SMC5: variants seen among roughly 807,000 people sequenced by gnomAD.
The protein encoded by SMC5 is structural maintenance of chromosomes protein 5.
A neutral mutation model predicts 148.3 loss-of-function variants in SMC5; 88 were observed. The observed-to-expected ratio is 0.59, with a 90% CI of 0.50 to 0.71. The LOEUF is 0.71. SMC5 is among the 30% of genes least tolerant of loss of function. The pLI is 0.00. For synonymous variants in SMC5, 421 were observed against 432.8 expected, an observed-to-expected ratio of 0.97 and a Z score of 0.34; for missense variants, 1,142 against 1,298.9, an observed-to-expected ratio of 0.88 and a Z score of 1.86.
chr9:70,341,630 G>A (rs1216718852), intron 17 of SMC5, among the ~76,000 whole-genome samples: 1 of 152,118 alleles, frequency 6.6e-6, no homozygotes, highest in African/African-American at 2.4e-5. Context: ...TATTGTCTTG[G>A]TTTAGTTTAT....
intron 8 of SMC5, among the ~76,000 whole-genome samples, chr9:70,288,652 C>T (rs2034973553): frequency 6.6e-6 from 1 of 151,836 alleles, no homozygotes; most frequent in South Asian, 2.1e-4. Context: ...TTAGTAGGCT[C>T]TTTGTTTCAA....
At position 70,270,642 on chromosome 9, in the gene SMC5, ATT is replaced by A. The variant is rs71364589; in HGVS notation, c.380+2690_380+2691del. On this transcript the variant is annotated intron_variant, in intron 3 of 24. Transcript: ENST00000361138. ...AGGAATTGAGGACAGAGACTAAATA[ATT>A]TTTTTTTTTTTTTTTTTTTTTTGGG... 4.5e-3 allele frequency among the ~76,000 whole-genome samples: 462 copies of A among 103,800 alleles called. 1 individual carries two copies. The highest frequency in any genetic ancestry group is 0.014 in the African/African-American group (369 of 26,434). The allele number at this position is 103,800 out of a possible 152,430, so 68.1% of individuals were successfully genotyped here.
chr9:70,268,849 G>T, intron 3 of SMC5, among the ~76,000 whole-genome samples: 1 of 151,992 alleles, frequency 6.6e-6, no homozygotes. Flanking sequence ...CTTGAGCTTG[G>T]ATATTCTCAA....
chr9:70,278,610 A>G lies in SMC5; in HGVS notation c.663A>G (p.Lys221=), dbSNP rs2083312647. The G allele has an allele frequency of 1.9e-6, 3 of 1,602,206 alleles. No individual in the cohort carries two copies. The highest frequency in any genetic ancestry group is 1.8e-5 in the Admixed American group (1 of 55,702). The change falls in exon 5 of 25, where the codon AAA becomes AAG. Residue 221 remains lysine (K), a synonymous_variant. Transcript: ENST00000361138. ...GTGAACTCAAAAACTTAAGGGAGAA[A>G]GAAAAACAGCTCGAGGTACTTTAAA... ...YHCELKNLRE[K]EKQLETSCKE...
chr9:70,316,508 A>G (rs1377546475), intron 13 of SMC5, among the ~76,000 whole-genome samples: 3 of 152,044 alleles, frequency 2.0e-5, no homozygotes, highest in African/African-American at 7.2e-5. Flanking sequence ...GGGAAAACCA[A>G]AAGTAGAAGT....
chr9:70,309,349 T>TTTTTTGG (rs71364591), intron 11 of SMC5, among the ~76,000 whole-genome samples: 1 of 112,748 alleles, frequency 8.9e-6, no homozygotes. Flanking sequence ...TTTTTTTTTT[T>TTTTTTGG]GGGGACAGGG....
At chr9:70,313,648 A>G (rs1452016572) in intron 11 of SMC5, among the ~76,000 whole-genome samples, 2 of 151,874 alleles carry the variant, frequency 1.3e-5, no homozygotes, top group Non-Finnish European at 2.9e-5. Context: ...CAGGAGCCCC[A>G]CACCATACCC....
chr9:70,319,455 G>A (rs980486248), intron 15 of SMC5, among the ~76,000 whole-genome samples: 2 of 152,142 alleles, frequency 1.3e-5, no homozygotes, highest in African/African-American at 4.8e-5. Flanking sequence ...TTTAGTTGAA[G>A]TCAGTAGGTT....
At chr9:70,351,935 G>C (rs1363358049) in intron 24 of SMC5, among the ~76,000 whole-genome samples, 2 of 151,964 alleles carry the variant, frequency 1.3e-5, no homozygotes, top group Non-Finnish European at 2.9e-5. Context: ...AAGTTAGCTG[G>C]GCCTGATGGT....
chr9:70,311,165 T>A (rs2035646231), intron 11 of SMC5: 1 of 152,246 alleles, frequency 6.6e-6, no homozygotes, highest in Non-Finnish European at 1.5e-5. Context: ...TTGTCATGCC[T>A]TCCTCACTAA....
chr9:70,299,028 T>G (rs2035285159), intron 9 of SMC5, among the ~76,000 whole-genome samples: 2 of 151,810 alleles, frequency 1.3e-5, no homozygotes, highest in South Asian at 4.1e-4. Context: ...ACATATCCTT[T>G]TTTGGTCATT....
intron 7 of SMC5, among the ~76,000 whole-genome samples, chr9:70,284,241 A>G (rs1257392935): frequency 6.6e-6 from 1 of 152,220 alleles, no homozygotes; most frequent in Non-Finnish European, 1.5e-5. Context: ...AAAAAATTAA[A>G]CAGTTACTAA....
chr9:70,333,762 TATTTAA>T (rs1374300438), intron 17 of SMC5, among the ~76,000 whole-genome samples: 1 of 152,036 alleles, frequency 6.6e-6, no homozygotes, highest in African/African-American at 2.4e-5. Context: ...ACTAGGGATA[TATTTAA>T]AAGACTTGTA....
At chr9:70,312,993 A>C (rs941166852) in intron 11 of SMC5, among the ~76,000 whole-genome samples, 1 of 152,212 alleles carries the variant, frequency 6.6e-6, no homozygotes, top group African/African-American at 2.4e-5. Context: ...CTGTTTTATC[A>C]AATTTATCAG....
chr9:70,350,531 T>TA lies in SMC5; in HGVS notation c.3165+61dup. The TA allele has an allele frequency of 2.5e-6, 3 of 1,176,836 alleles. No individual in the cohort carries two copies. The South Asian group carries it at 4.6e-5, about 18-fold the overall frequency. The allele number at this position is 1,176,836 out of a possible 1,614,324, so 72.9% of individuals were successfully genotyped here. ...TCAGAAATCTCCTGTGACATAATCA[T>TA]ACAGTTTTTGTCCCAACATGCACAT... On this transcript the variant is annotated intron_variant, in intron 24 of 24. Coordinates refer to ENST00000361138, the MANE Select transcript of SMC5 (RefSeq NM_015110.4).
At chr9:70,337,455 T>G (rs2036390895) in intron 17 of SMC5, among the ~76,000 whole-genome samples, 5 of 39,112 alleles carry the variant, frequency 1.3e-4, no homozygotes, top group South Asian at 2.1e-3. Flanking sequence ...GATTTGTTTT[T>G]TTTTTTTTTT....
intron 3 of SMC5, 27 bp downstream of exon 3, chr9:70,268,002 T>C: frequency 1.0e-5 from 16 of 1,571,980 alleles, no homozygotes; most frequent in Non-Finnish European, 1.3e-5. Context: ...CTAAAACTCC[T>C]TTTTCCTATA....
chr9:70,324,728 G>C (rs1293062234), intron 17 of SMC5, among the ~76,000 whole-genome samples: 1 of 152,060 alleles, frequency 6.6e-6, no homozygotes, highest in Non-Finnish European at 1.5e-5. Flanking sequence ...TGACCAACTA[G>C]CTGCAAATTC....
At position 70,354,752 on chromosome 9, in the gene SMC5, G is replaced by GGT. The variant is rs1353673831; in HGVS notation, c.*2422_*2423dup. The GGT allele has an allele frequency of 6.6e-6, 1 of 152,058 alleles. No individual in the cohort carries two copies. Among genetic ancestry groups the GGT allele is most frequent in the Non-Finnish European group, 1.5e-5 (1 of 68,024 alleles). The allele number at this position is 152,058 out of a possible 1,614,324, so 9.4% of individuals were successfully genotyped here. ...TTGGACACATGCCTATTTTCTTTGA[G>GGT]GTATAAACCTTTAGATGTGAAAAAT... On this transcript the variant is annotated 3_prime_UTR_variant, in exon 25 of 25. Coordinates refer to ENST00000361138, the MANE Select transcript of SMC5 (RefSeq NM_015110.4).
Sources: allele counts gnomAD v4.1 joint callset (sites outside exome capture counted in the v4.1 genomes callset), GRCh38; gene constraint gnomAD v4.1.1; transcripts MANE v1.5; gene names NCBI Gene and HGNC (gene_info 2026-07-23, HGNC 2026-07-21).